The following ZC4H2 variants were observed in gnomAD, a reference collection of about 807,000 sequenced individuals.
ZC4H2 encodes zinc finger C4H2-type containing, also known as zinc finger C4H2 domain-containing protein.
For missense variants in ZC4H2, 137 were observed against 173.9 expected (o/e 0.79, Z 1.19); for synonymous variants, 84 against 66.3 (o/e 1.27, Z -1.30).
rs747656403 is a variant in ZC4H2 at position 64,973,610 on chromosome X, C to A, written c.53+2715G>T. 4.1e-3 allele frequency among the ~76,000 whole-genome samples: 458 copies of A among 110,873 alleles called. 2 individuals carry two copies. Among genetic ancestry groups the A allele is most frequent in the African/African-American group, 0.014 (436 of 30,552 alleles). ...GGAAAGAGAAAGTCTACTGCATTAACCATGCTTTTGCTTACTGTTTATTGT... is the reference window on the plus strand; with the variant it reads ...GGAAAGAGAAAGTCTACTGCATTAAACATGCTTTTGCTTACTGTTTATTGT... On this transcript the variant is annotated intron_variant, in intron 1 of 4. Coordinates refer to ENST00000374839, the MANE Select transcript of ZC4H2 (RefSeq NM_018684.4).
chrX:65,009,770 G>A (rs1268862798), intron 1 of ZC4H2, among the ~76,000 whole-genome samples: 1 of 111,463 alleles, frequency 9.0e-6, no homozygotes, highest in Non-Finnish European at 1.9e-5. Context: ...GGGGGGCAAG[G>A]GTAACCAACA....
intron 1 of ZC4H2, among the ~76,000 whole-genome samples, chrX:64,925,601 G>A (rs919777822): frequency 8.9e-6 from 1 of 111,814 alleles, no homozygotes; most frequent in Non-Finnish European, 1.9e-5. Context: ...AGTGCAGCTA[G>A]CCCTGCTTGG....
intron 1 of ZC4H2, among the ~76,000 whole-genome samples, chrX:65,024,573 A>T (rs188910079): frequency 2.9e-4 from 33 of 111,995 alleles, no homozygotes; most frequent in African/African-American, 1.1e-3. Context: ...AAAAACAAAC[A>T]AACAAACAAA....
chrX:64,981,393 G>T (rs146834159), upstream of ZC4H2, among the ~76,000 whole-genome samples: 587 of 111,350 alleles, frequency 5.3e-3, 4 homozygotes, highest in African/African-American at 0.018. Flanking sequence ...AGTTGTCCAG[G>T]AAAGAAATTA....
chrX:64,926,460 T>C (rs1028626338), intron 1 of ZC4H2, among the ~76,000 whole-genome samples: 2 of 112,010 alleles, frequency 1.8e-5, no homozygotes, highest in Non-Finnish European at 3.8e-5. Context: ...AGCTTTTCAA[T>C]AAACTGCCCA....
At chrX:65,022,264 C>A (rs368565178) in intron 1 of ZC4H2, among the ~76,000 whole-genome samples, 1 of 111,496 alleles carries the variant, frequency 9.0e-6, no homozygotes, top group African/African-American at 3.3e-5. Context: ...AACATCAATG[C>A]GAAAATCCTC....
chrX:64,996,039 A>T (rs1932407284), intron 1 of ZC4H2, among the ~76,000 whole-genome samples: 1 of 111,774 alleles, frequency 8.9e-6, no homozygotes, highest in Admixed American at 9.5e-5. Flanking sequence ...CTTATGCCCA[A>T]GACAAGATGC....
At chrX:65,008,751 G>T (rs1371304474) in intron 1 of ZC4H2, among the ~76,000 whole-genome samples, 1 of 111,917 alleles carries the variant, frequency 8.9e-6, no homozygotes, top group African/African-American at 3.2e-5. Context: ...TAATATGTGG[G>T]AGGTAAAAGA....
chrX:65,004,013 T>A (rs921160968), intron 1 of ZC4H2, among the ~76,000 whole-genome samples: 2 of 111,600 alleles, frequency 1.8e-5, no homozygotes, highest in African/African-American at 6.5e-5. Context: ...CCTGGACACA[T>A]ACACACTTCC....
intron 1 of ZC4H2, among the ~76,000 whole-genome samples, chrX:64,998,539 C>T (rs1932463312): frequency 9.0e-6 from 1 of 111,677 alleles, no homozygotes; most frequent in Non-Finnish European, 1.9e-5. Context: ...AATTTGTGGC[C>T]TAACATATCA....
At chrX:65,011,367 C>T (rs1196275928) in intron 1 of ZC4H2, among the ~76,000 whole-genome samples, 1 of 111,340 alleles carries the variant, frequency 9.0e-6, no homozygotes, top group African/African-American at 3.3e-5. Flanking sequence ...TTTGCTCAAT[C>T]CATTTTCCTG....
At chrX:65,019,585 G>T (rs1208531146) in intron 1 of ZC4H2, among the ~76,000 whole-genome samples, 1 of 112,431 alleles carries the variant, frequency 8.9e-6, no homozygotes, top group Non-Finnish European at 1.9e-5. Context: ...GGGGAGACCA[G>T]TGCAAAAAGG....
intron 1 of ZC4H2, among the ~76,000 whole-genome samples, chrX:64,988,092 C>A (rs765803718): frequency 2.7e-5 from 3 of 110,002 alleles, no homozygotes; most frequent in South Asian, 8.0e-4. Flanking sequence ...GCATAGTATT[C>A]CATGGTGCAT....
rs58094683 is a variant in ZC4H2, at chrX:64,999,039, GTTTTT to G, written c.-272+35585_-272+35589del. Among the ~76,000 whole-genome samples, 93 of 11,854 alleles carry G rather than the reference GTTTTT, an allele frequency of 7.8e-3. 1 individual carries two copies. Among genetic ancestry groups the G allele is most frequent in the African/African-American group, 0.024 (86 of 3,540 alleles). 10.3% of individuals were successfully genotyped at this position (11,854 alleles called of 115,157 possible). A position where few individuals can be genotyped will look rare whatever the true frequency, so the allele number is the denominator to read the frequency against. ...TAGACAGCATACAGTTGGATTATGT[GTTTTT>G]TTTTTTTTTTTTTTTTTTTTTTTTA... On this transcript the variant is annotated intron_variant, in intron 1 of 4. Coordinates refer to the ZC4H2 transcript ENST00000337990.
At chrX:64,966,890 A>G (rs917521642) in intron 1 of ZC4H2, among the ~76,000 whole-genome samples, 2 of 111,745 alleles carry the variant, frequency 1.8e-5, no homozygotes, top group East Asian at 2.8e-4. Flanking sequence ...CAACTCTTTA[A>G]ATTTATTAAA....
chrX:65,012,856 C>A (rs1261320196), intron 1 of ZC4H2, among the ~76,000 whole-genome samples: 3 of 111,644 alleles, frequency 2.7e-5, no homozygotes, highest in Non-Finnish European at 5.6e-5. Flanking sequence ...GCCATCATAT[C>A]CATATTCGTG....
At chrX:64,944,676 C>A (rs1279410133) in intron 1 of ZC4H2, among the ~76,000 whole-genome samples, 3 of 111,358 alleles carry the variant, frequency 2.7e-5, no homozygotes, top group African/African-American at 9.8e-5. Flanking sequence ...AGAGTGTTTT[C>A]CAACTTGGTT....
intron 1 of ZC4H2, among the ~76,000 whole-genome samples, chrX:64,990,856 C>A (rs981434932): frequency 1.8e-5 from 2 of 111,737 alleles, no homozygotes; most frequent in Admixed American, 9.5e-5. Flanking sequence ...TCCTCCTCCC[C>A]AACTTCTTTC....
At chrX:65,004,492 C>A (rs1418941906) in intron 1 of ZC4H2, among the ~76,000 whole-genome samples, 14 of 112,062 alleles carry the variant, frequency 1.2e-4, no homozygotes, top group Non-Finnish European at 5.6e-5. Flanking sequence ...AGATAATTAA[C>A]TCAATAGATG....
Sources: gnomAD v4.1 joint callset for allele counts (sites outside exome capture counted in the v4.1 genomes callset) on GRCh38, gnomAD v4.1.1 for gene constraint, MANE v1.5 for transcripts, NCBI Gene and HGNC (gene_info 2026-07-23, HGNC 2026-07-21) for gene names.